The following ADCY1 variants were observed in gnomAD, a reference collection of about 807,000 sequenced individuals.
The protein encoded by ADCY1 is adenylate cyclase type 1.
In ADCY1, 28 loss-of-function variants were observed where a neutral mutation model predicts 105.4. The observed-to-expected ratio is 0.27, with a 90% CI of 0.20 to 0.36. The LOEUF (loss-of-function observed/expected upper bound fraction) is 0.36, where lower values mean the gene tolerates loss of function less well. ADCY1 is among the 10% of genes least tolerant of loss of function. ADCY1 has a pLI of 1.00. For synonymous variants in ADCY1, 655 were observed against 623.8 expected (o/e 1.05, Z -0.75); for missense variants, 977 against 1,434.2 (o/e 0.68, Z 5.15).
chr7:45,595,709 T>C (rs556972792), intron 2 of ADCY1, among the ~76,000 whole-genome samples: 3 of 152,326 alleles, frequency 2.0e-5, no homozygotes, highest in Admixed American at 6.5e-5. Context: ...AATGGAAGGA[T>C]CATTTTCTTT....
At chr7:45,713,619 G>A (rs1785307262) in intron 19 of ADCY1, 74 bp from the exon 20 acceptor site, 3 of 721,186 alleles carry the variant, frequency 4.2e-6, no homozygotes, top group Middle Eastern at 2.7e-4. Flanking sequence ...GATGCAGGAT[G>A]GAGTGTTTTG....
chr7:45,706,302 G>A (rs1328425304), intron 17 of ADCY1, among the ~76,000 whole-genome samples: 1 of 152,070 alleles, frequency 6.6e-6, no homozygotes, highest in East Asian at 1.9e-4. Context: ...GACTTACAAA[G>A]CTGTAGTAAT....
chr7:45,655,539 C>T (rs1179621893), intron 5 of ADCY1, among the ~76,000 whole-genome samples: 1 of 152,208 alleles, frequency 6.6e-6, no homozygotes, highest in African/African-American at 2.4e-5. Context: ...CAAGAGGAGT[C>T]ACTATGAGAA....
In ADCY1 at chr7:45,713,890, A is replaced by T. The variant is rs1424102687; in HGVS notation, c.3255A>T (p.Arg1085Ser). The stretch of plus-strand genomic sequence containing the variant: ...TTGGGAGAGCTGGCCTTCAGGGCAG[A>T]CGTCCCCCCGTGTGCCCCATGCCTG... ...CPFGRAGLQG[R>S]RPPVCPMPGV... Residue 1085 changes from arginine (R) to serine (S), a missense_variant, in exon 20 of 20, where the codon AGA becomes AGT. Physicochemically the swap from Arg to Ser is moderately radical, Grantham distance 110. Transcript: ENST00000297323. The T allele has an allele frequency of 1.3e-6, 1 of 780,680 alleles. No individual in the cohort carries two copies. Among genetic ancestry groups the T allele is most frequent in the Non-Finnish European group, 2.4e-6 (1 of 418,132 alleles). The allele number at this position is 780,680 out of a possible 1,614,324, so 48.4% of individuals were successfully genotyped here.
intron 14 of ADCY1, among the ~76,000 whole-genome samples, chr7:45,688,507 C>T (rs1362412486): frequency 6.6e-6 from 1 of 152,138 alleles, no homozygotes; most frequent in Non-Finnish European, 1.5e-5. Context: ...ACAATTGTTT[C>T]CTCTAGTTTT....
chr7:45,719,399 A>C lies in ADCY1; in HGVS notation c.*5404A>C, dbSNP rs1454240294. ...GCAGATCCTGTACTAGGATGTGAGG[A>C]TATCTGTCACCTGCGTGGTCCATTC... is the stretch of plus-strand genomic sequence containing the variant. On this transcript the variant is annotated 3_prime_UTR_variant, in exon 20 of 20. Coordinates refer to ENST00000297323, the MANE Select transcript of ADCY1 (RefSeq NM_021116.4). The C allele has an allele frequency of 6.6e-6, 1 of 152,246 alleles. No individual in the cohort carries two copies. The highest frequency in any genetic ancestry group is 2.4e-5 in the African/African-American group (1 of 41,458). The allele number at this position is 152,246 out of a possible 1,614,324, so 9.4% of individuals were successfully genotyped here.
intron 1 of ADCY1, among the ~76,000 whole-genome samples, chr7:45,590,223 C>A (rs553366260): frequency 6.6e-5 from 10 of 152,060 alleles, no homozygotes; most frequent in Non-Finnish European, 1.0e-4. Flanking sequence ...TCCCCACCCC[C>A]CCATGGACTC....
intron 1 of ADCY1, among the ~76,000 whole-genome samples, chr7:45,590,072 G>A (rs940838197): frequency 1.3e-5 from 2 of 152,246 alleles, no homozygotes; most frequent in Middle Eastern, 3.4e-3. Context: ...GCTTGCAGGG[G>A]CACCTCCATA....
At chr7:45,582,576 TG>T (rs1192779256) in intron 1 of ADCY1, among the ~76,000 whole-genome samples, 1 of 11,144 alleles carries the variant, frequency 9.0e-5, no homozygotes, top group Non-Finnish European at 1.9e-4. Context: ...TGGCGGGGGG[TG>T]GGGGGTGGTG....
chr7:45,621,730 C>A (rs192003402), intron 3 of ADCY1, among the ~76,000 whole-genome samples: 17 of 152,192 alleles, frequency 1.1e-4, no homozygotes, highest in Non-Finnish European at 2.2e-4. Flanking sequence ...CTTTACTTTG[C>A]GTTTATTTCC....
intron 1 of ADCY1, among the ~76,000 whole-genome samples, chr7:45,588,869 ATGTGTGTGTGTGTGTGTG>A: frequency 6.7e-6 from 1 of 149,156 alleles, no homozygotes; most frequent in Admixed American, 6.7e-5. Context: ...CATTGCGTGT[ATGTGTGTGTGTGTGTGTG>A]TGTGTGTATG....
At chr7:45,610,748 T>TA (rs1562686937) in intron 3 of ADCY1, among the ~76,000 whole-genome samples, 1 of 142,430 alleles carries the variant, frequency 7.0e-6, no homozygotes, top group Non-Finnish European at 1.5e-5. Flanking sequence ...GGGGAGGTGA[T>TA]GATGGAGGTG....
In ADCY1 at chr7:45,647,226, T is replaced by A. The variant is rs992721733; in HGVS notation, c.1021-1444T>A. On this transcript the variant is annotated intron_variant, in intron 4 of 19. Transcript: ENST00000297323. The surrounding 1 kb of genome is among the most constrained non-coding windows in gnomAD (Gnocchi z 4.6). ...TACTTCCATGGACAGGCCATTCAGC[T>A]GCTAGGCCAATCCCTGCTCAGCCTG... Among the ~76,000 whole-genome samples, 2 of 152,240 alleles carry A rather than the reference T, an allele frequency of 1.3e-5. No individual in the cohort carries two copies. Among genetic ancestry groups the A allele is most frequent in the African/African-American group, 4.8e-5 (2 of 41,472 alleles).
chr7:45,634,334 G>T (rs907272854), intron 4 of ADCY1, among the ~76,000 whole-genome samples: 2 of 151,508 alleles, frequency 1.3e-5, no homozygotes, highest in Admixed American at 1.3e-4. Context: ...AAGGCATTCT[G>T]TCTTGCATCA....
chr7:45,597,126 G>C (rs1281278680), intron 2 of ADCY1, among the ~76,000 whole-genome samples: 1 of 152,128 alleles, frequency 6.6e-6, no homozygotes, highest in Non-Finnish European at 1.5e-5. Flanking sequence ...GGGTTTGCAG[G>C]AGAGCACAGC....
At chr7:45,672,810 C>T (rs1784389867) in intron 8 of ADCY1, among the ~76,000 whole-genome samples, 1 of 151,908 alleles carries the variant, frequency 6.6e-6, no homozygotes, top group African/African-American at 2.4e-5. Context: ...CCTTTTCTTG[C>T]CTTATTGCAC....
intron 19 of ADCY1, among the ~76,000 whole-genome samples, chr7:45,711,947 ATAT>A (rs1205152465): frequency 5.0e-4 from 49 of 97,406 alleles, no homozygotes; most frequent in Admixed American, 4.1e-3. Context: ...ATATAAATAC[ATAT>A]TATATTAAAT....
chr7:45,663,958 C>G (rs914056048), intron 8 of ADCY1, among the ~76,000 whole-genome samples: 2 of 152,110 alleles, frequency 1.3e-5, no homozygotes, highest in Non-Finnish European at 1.5e-5. Context: ...AGGTTAGACT[C>G]AGCTCCTAAC....
Position 45,591,032 on chromosome 7 carries a change from C to T in ADCY1, c.640-1727C>T, listed in dbSNP as rs545173758. ...GCCCTGCAGATTCGTGTTCCTTGTC[C>T]TCCCTCCCTGTCACCTCTTTGAGAG... On this transcript the variant is annotated intron_variant, in intron 1 of 19. Coordinates refer to ENST00000297323, the MANE Select transcript of ADCY1 (RefSeq NM_021116.4). The surrounding 1 kb of genome is among the most constrained non-coding windows in gnomAD (Gnocchi z 4.1). 7.9e-5 allele frequency among the ~76,000 whole-genome samples: 12 copies of T among 152,292 alleles called. No homozygotes were observed. The South Asian group carries it at 2.1e-3, about 26-fold the overall frequency.
Sources: allele counts gnomAD v4.1 joint callset (sites outside exome capture counted in the v4.1 genomes callset), GRCh38; gene constraint gnomAD v4.1.1; non-coding constraint Gnocchi (gnomAD v3.1); transcripts MANE v1.5; gene names NCBI Gene and HGNC (gene_info 2026-07-23, HGNC 2026-07-21).